The following PLCB4 variants were observed in gnomAD, a reference collection of about 807,000 sequenced individuals.
PLCB4 encodes the protein 1-phosphatidylinositol 4,5-bisphosphate phosphodiesterase beta-4.
In PLCB4, 77 loss-of-function variants were observed where a neutral mutation model predicts 178.8. That is an observed-to-expected ratio of 0.43 (90% CI 0.36 to 0.52). The LOEUF (loss-of-function observed/expected upper bound fraction) is 0.52, where lower values mean the gene tolerates loss of function less well. Ranked by LOEUF, PLCB4 falls within the 20% of genes least tolerant of loss-of-function variation. The pLI is 0.00. For synonymous variants in PLCB4, 496 were observed against 490.8 expected, an observed-to-expected ratio of 1.01 and a Z score of -0.14; for missense variants, 1,024 against 1,453.4, an observed-to-expected ratio of 0.70 and a Z score of 4.80.
intron 2 of PLCB4, among the ~76,000 whole-genome samples, chr20:9,178,813 T>A (rs985250597): frequency 1.1e-4 from 17 of 152,162 alleles, no homozygotes; most frequent in African/African-American, 4.1e-4. Flanking sequence ...GCCACAAAAA[T>A]GTATTCATTA....
chr20:9,083,684 A>G (rs1015687800), intron 1 of PLCB4, among the ~76,000 whole-genome samples: 2 of 152,176 alleles, frequency 1.3e-5, no homozygotes, highest in Admixed American at 6.5e-5. Context: ...TGAGGGTCAC[A>G]TGGTTCATCA....
At chr20:9,406,879 T>G (rs1193733267) in intron 21 of PLCB4, among the ~76,000 whole-genome samples, 1 of 152,226 alleles carries the variant, frequency 6.6e-6, no homozygotes, top group African/African-American at 2.4e-5. Context: ...AAATTTAGCT[T>G]TGCAAAGTTC....
chr20:9,432,573 G>A (rs2041496884), intron 28 of PLCB4, among the ~76,000 whole-genome samples: 1 of 152,166 alleles, frequency 6.6e-6, no homozygotes, highest in Admixed American at 6.5e-5. Flanking sequence ...AAAGTTTAAT[G>A]GATACAAGTT....
At chr20:9,384,499 C>A (rs1771428641) in intron 14 of PLCB4, 88 bp downstream of exon 14, 10 of 934,194 alleles carry the variant, frequency 1.1e-5, no homozygotes, top group Non-Finnish European at 1.7e-5. Flanking sequence ...AAATAGTAAT[C>A]AGGATGAAAA....
chr20:9,432,421 C>T (rs1459866546), intron 28 of PLCB4, among the ~76,000 whole-genome samples: 3 of 152,134 alleles, frequency 2.0e-5, no homozygotes, highest in Admixed American at 6.5e-5. Context: ...TAAAAATTAG[C>T]GAGTATTTGT....
At chr20:9,441,206 A>G (rs1395215787) in intron 30 of PLCB4, among the ~76,000 whole-genome samples, 3 of 152,174 alleles carry the variant, frequency 2.0e-5, no homozygotes, top group Non-Finnish European at 4.4e-5. Context: ...ATGTGGAGGT[A>G]GTTAGGCTCA....
intron 10 of PLCB4, among the ~76,000 whole-genome samples, chr20:9,371,969 C>T (rs1037972969): frequency 2.0e-5 from 3 of 152,176 alleles, no homozygotes; most frequent in Admixed American, 1.3e-4. Context: ...TTCAGCATCC[C>T]TCAGGCAGGC....
At chr20:9,208,200 G>A (rs1020037338) in intron 2 of PLCB4, among the ~76,000 whole-genome samples, 4 of 152,192 alleles carry the variant, frequency 2.6e-5, no homozygotes, top group African/African-American at 9.7e-5. Flanking sequence ...CATCAGGGGT[G>A]AATTCATGCT....
intron 2 of PLCB4, among the ~76,000 whole-genome samples, chr20:9,180,423 A>G (rs968200418): frequency 1.3e-5 from 2 of 152,174 alleles, no homozygotes; most frequent in Admixed American, 1.3e-4. Flanking sequence ...TACGATCTGA[A>G]TTCTGCAAAT....
chr20:9,354,748 C>A (rs958462665), intron 7 of PLCB4, among the ~76,000 whole-genome samples: 3 of 152,192 alleles, frequency 2.0e-5, no homozygotes, highest in Non-Finnish European at 4.4e-5. Flanking sequence ...AGGAATCTGG[C>A]AAGCCCAAAT....
At chr20:9,353,432 TTGG>T (rs1261121515) in intron 7 of PLCB4, among the ~76,000 whole-genome samples, 22 of 152,242 alleles carry the variant, frequency 1.4e-4, no homozygotes, top group Non-Finnish European at 2.8e-4. Context: ...TTGTCTGTCC[TTGG>T]TGGAGCCAGG....
chr20:9,419,132 C>T (rs1053303725), intron 25 of PLCB4, among the ~76,000 whole-genome samples: 4 of 151,848 alleles, frequency 2.6e-5, no homozygotes, highest in African/African-American at 9.7e-5. Flanking sequence ...TTCCTTCTTT[C>T]CAATCTGGAT....
chr20:9,224,505 A>G (rs2093839562), intron 3 of PLCB4, among the ~76,000 whole-genome samples: 1 of 152,176 alleles, frequency 6.6e-6, no homozygotes, highest in Non-Finnish European at 1.5e-5. Flanking sequence ...TTGTGGAGCA[A>G]TTGAGAGAGA....
intron 21 of PLCB4, among the ~76,000 whole-genome samples, chr20:9,406,038 C>T (rs1393718020): frequency 2.6e-5 from 4 of 152,162 alleles, no homozygotes; most frequent in African/African-American, 9.7e-5. Flanking sequence ...GCAGGCCTGT[C>T]CCAAAATATT....
intron 2 of PLCB4, among the ~76,000 whole-genome samples, chr20:9,102,535 A>G (rs991468846): frequency 6.6e-6 from 1 of 152,148 alleles, no homozygotes; most frequent in African/African-American, 2.4e-5. Flanking sequence ...AACTAATAAC[A>G]TTTTCTTCTT....
rs978109863 is a variant in PLCB4, at chr20:9,479,621, T to C, written c.*612T>C. 2 of 152,874 alleles carry C rather than the reference T, an allele frequency of 1.3e-5. No individual in the cohort carries two copies. Among genetic ancestry groups the C allele is most frequent in the African/African-American group, 4.8e-5 (2 of 41,462 alleles). 9.5% of individuals were successfully genotyped at this position (152,874 alleles called of 1,614,324 possible). A position where few individuals can be genotyped will look rare whatever the true frequency, so the allele number is the denominator to read the frequency against. On this transcript the variant is annotated 3_prime_UTR_variant, in exon 40 of 40. Transcript: ENST00000378473. ...AGTGTATGTGTGCCAAAACTCATCA[T>C]TACTCAAAGGAGAACTGTGTTAGGC... is the stretch of plus-strand genomic sequence containing the variant.
At chr20:9,326,620 A>G (rs1006559675) in intron 4 of PLCB4, among the ~76,000 whole-genome samples, 1 of 152,116 alleles carries the variant, frequency 6.6e-6, no homozygotes, top group Admixed American at 6.5e-5. Context: ...AGTCTCCCCA[A>G]CCAGGAATGA....
chr20:9,134,168 T>C (rs2092335137), intron 2 of PLCB4, among the ~76,000 whole-genome samples: 1 of 152,164 alleles, frequency 6.6e-6, no homozygotes, highest in African/African-American at 2.4e-5. Context: ...CAAGAGCTAT[T>C]GGTATAATTG....
chr20:9,450,742 G>A (rs1472598623), intron 32 of PLCB4, among the ~76,000 whole-genome samples: 1 of 140,418 alleles, frequency 7.1e-6, no homozygotes, highest in Admixed American at 7.7e-5. Flanking sequence ...TATGCCTCCC[G>A]GGTTCAAGCA....
Sources: allele counts gnomAD v4.1 joint callset (sites outside exome capture counted in the v4.1 genomes callset), GRCh38; gene constraint gnomAD v4.1.1; transcripts MANE v1.5; gene names NCBI Gene and HGNC (gene_info 2026-07-23, HGNC 2026-07-21).